The following RIMS1 variants were observed in gnomAD, a reference collection of about 807,000 sequenced individuals.
The protein encoded by RIMS1 is regulating synaptic membrane exocytosis 1.
In RIMS1, 83 loss-of-function variants were observed where a neutral mutation model predicts 214.1. The observed-to-expected ratio is 0.39, with a 90% CI of 0.32 to 0.47. The LOEUF (loss-of-function observed/expected upper bound fraction) is 0.47. RIMS1 is among the 20% of genes least tolerant of loss of function. RIMS1 has a pLI of 0.99. For missense variants in RIMS1, 2,050 were observed against 2,161.8 expected (o/e 0.95, Z 1.03); for synonymous variants, 793 against 786.8 (o/e 1.01, Z -0.13).
At chr6:72,330,436 A>G (rs923414798) in intron 28 of RIMS1, among the ~76,000 whole-genome samples, 1 of 151,848 alleles carries the variant, frequency 6.6e-6, no homozygotes, top group Non-Finnish European at 1.5e-5. Context: ...ATAGCACAGT[A>G]TATTTCTATA....
chr6:72,018,474 A>G (rs1486242009), intron 2 of RIMS1, among the ~76,000 whole-genome samples: 3 of 152,188 alleles, frequency 2.0e-5, no homozygotes, highest in African/African-American at 7.2e-5. Flanking sequence ...GGTGCCTATT[A>G]GACATCATAG....
intron 2 of RIMS1, among the ~76,000 whole-genome samples, chr6:72,009,312 C>G (rs1033885641): frequency 3.9e-5 from 6 of 152,144 alleles, no homozygotes; most frequent in African/African-American, 1.4e-4. Flanking sequence ...ATCTCTGGGA[C>G]ACATTTAAAG....
At chr6:72,206,466 T>A (rs1211612183) in intron 6 of RIMS1, among the ~76,000 whole-genome samples, 1 of 152,218 alleles carries the variant, frequency 6.6e-6, no homozygotes, top group Non-Finnish European at 1.5e-5. Flanking sequence ...GTTATTATTA[T>A]AGTTAATACT....
intron 2 of RIMS1, among the ~76,000 whole-genome samples, chr6:71,992,636 T>TTCCTCTTCC (rs1363686022): frequency 6.6e-6 from 1 of 150,414 alleles, no homozygotes; most frequent in Non-Finnish European, 1.5e-5. Context: ...CTTCCTCTTC[T>TTCCTCTTCC]TCCTCTTCCT....
At chr6:72,382,998 T>A (rs988076905) in intron 29 of RIMS1, among the ~76,000 whole-genome samples, 1 of 152,222 alleles carries the variant, frequency 6.6e-6, no homozygotes, top group African/African-American at 2.4e-5. Context: ...GGCAGCCTTT[T>A]TTTAGAAATC....
At chr6:72,299,458 T>G (rs2094412355) in intron 26 of RIMS1, among the ~76,000 whole-genome samples, 1 of 151,902 alleles carries the variant, frequency 6.6e-6, no homozygotes. Context: ...ATAAAATATG[T>G]GATAATTATT....
At chr6:72,318,714 A>T (rs2095970061) in intron 28 of RIMS1, among the ~76,000 whole-genome samples, 1 of 152,132 alleles carries the variant, frequency 6.6e-6, no homozygotes, top group African/African-American at 2.4e-5. Context: ...ACTGAGACAC[A>T]CGTTTTTCCT....
At chr6:72,016,953 C>T (rs1266972335) in intron 2 of RIMS1, among the ~76,000 whole-genome samples, 1 of 152,130 alleles carries the variant, frequency 6.6e-6, no homozygotes, top group Non-Finnish European at 1.5e-5. Context: ...TATCTTTGCT[C>T]TGGTGAGGAA....
chr6:72,374,613 T>C (rs995888477), intron 29 of RIMS1, among the ~76,000 whole-genome samples: 5 of 149,130 alleles, frequency 3.4e-5, no homozygotes, highest in African/African-American at 9.9e-5. Context: ...AATGAAGTGG[T>C]CAGAGTATTT....
At chr6:72,091,822 G>C (rs962835984) in intron 2 of RIMS1, among the ~76,000 whole-genome samples, 1 of 152,110 alleles carries the variant, frequency 6.6e-6, no homozygotes, top group African/African-American at 2.4e-5. Context: ...TCTGTGATTT[G>C]TGATCATATA....
intron 6 of RIMS1, among the ~76,000 whole-genome samples, chr6:72,197,853 T>C (rs766031210): frequency 6.6e-6 from 1 of 152,026 alleles, no homozygotes; most frequent in Non-Finnish European, 1.5e-5. Context: ...AAGATTATAA[T>C]TGTGAAACAT....
chr6:71,944,435 C>T (rs565646631), intron 1 of RIMS1, among the ~76,000 whole-genome samples: 11 of 152,212 alleles, frequency 7.2e-5, no homozygotes, highest in South Asian at 2.1e-4. Context: ...CGGGGCATAA[C>T]GTGCAACCAT....
intron 2 of RIMS1, among the ~76,000 whole-genome samples, chr6:72,011,902 C>A (rs1330392224): frequency 6.6e-6 from 1 of 152,174 alleles, no homozygotes; most frequent in South Asian, 2.1e-4. Context: ...CTAGCTCAAC[C>A]ATTGTGGAAG....
chr6:72,232,000 T>C (rs2062151717), intron 6 of RIMS1, among the ~76,000 whole-genome samples: 1 of 151,668 alleles, frequency 6.6e-6, no homozygotes, highest in Admixed American at 6.6e-5. Context: ...AGTCAGGTTA[T>C]TGAGGGATAC....
rs555568167 is a variant in RIMS1, at chr6:72,191,096, C to A, written c.1678+7947C>A. 3.3e-5 allele frequency among the ~76,000 whole-genome samples: 5 copies of A among 152,302 alleles called. No homozygotes were observed. The East Asian group carries it at 7.7e-4, about 24-fold the overall frequency. On this transcript the variant is annotated intron_variant, in intron 6 of 33. Coordinates refer to ENST00000521978, the MANE Select transcript of RIMS1 (RefSeq NM_014989.7). ...GGATCATATGAACCAAGTGACAGAG[C>A]AGCTTGCACAGCAGCCTGGACCTGT...
At chr6:72,276,852 T>C (rs2154198835) in intron 23 of RIMS1, among the ~76,000 whole-genome samples, 1 of 152,342 alleles carries the variant, frequency 6.6e-6, no homozygotes, top group Middle Eastern at 3.4e-3. Context: ...CAGCTTTATT[T>C]ACTCATTCAG....
At chr6:72,060,258 T>G (rs1481958312) in intron 2 of RIMS1, among the ~76,000 whole-genome samples, 1 of 152,120 alleles carries the variant, frequency 6.6e-6, no homozygotes, top group Non-Finnish European at 1.5e-5. Context: ...CATGAACCAC[T>G]GCGCCCAGCC....
At chr6:72,337,279 A>G (rs2096873308) in intron 29 of RIMS1, among the ~76,000 whole-genome samples, 1 of 151,812 alleles carries the variant, frequency 6.6e-6, no homozygotes, top group Non-Finnish European at 1.5e-5. Context: ...CTCAATACTA[A>G]CTGTATAATA....
In RIMS1 at chr6:72,179,786, C is replaced by G. The variant is rs1259587829; in HGVS notation, c.683C>G (p.Ser228Cys). ...ACACCCCTAAGCACAGCAGCTGCCT[C>G]CTCCCAGGATGCTGCTCCTCCCAGC... The part of the protein sequence containing the change: ...SQTPLSTAAA[S>C]SQDAAPPSAP... Residue 228 changes from serine (S) to cysteine (C), a missense_variant, in exon 5 of 34, where the codon TCC (serine) becomes TGC (cysteine). Physicochemically the swap from Ser to Cys is moderately radical, Grantham distance 112. Coordinates refer to ENST00000521978, the MANE Select transcript of RIMS1 (RefSeq NM_014989.7). 6.2e-7 allele frequency: 1 copy of G among 1,613,650 alleles called. No homozygotes were observed. Among genetic ancestry groups the G allele is most frequent in the African/African-American group, 1.3e-5 (1 of 74,920 alleles).
Sources: allele counts gnomAD v4.1 joint callset (sites outside exome capture counted in the v4.1 genomes callset), GRCh38; gene constraint gnomAD v4.1.1; transcripts MANE v1.5; gene names NCBI Gene and HGNC (gene_info 2026-07-23, HGNC 2026-07-21).